PPP3CC: variants seen among roughly 807,000 people sequenced by gnomAD.
PPP3CC encodes protein phosphatase 3 catalytic subunit gamma.
A neutral mutation model predicts 60.3 loss-of-function variants in PPP3CC; 35 were observed. That is an observed-to-expected ratio of 0.58 (90% CI 0.44 to 0.77). The LOEUF is 0.77. Ranked by LOEUF, PPP3CC falls within the 30% of genes least tolerant of loss-of-function variation. The pLI is 0.00. For synonymous variants in PPP3CC, 206 were observed against 224.3 expected, an observed-to-expected ratio of 0.92 and a Z score of 0.73; for missense variants, 570 against 628.9, an observed-to-expected ratio of 0.91 and a Z score of 1.00.
At chr8:22,443,039 G>A (rs916570576) in intron 1 of PPP3CC, among the ~76,000 whole-genome samples, 2 of 152,168 alleles carry the variant, frequency 1.3e-5, no homozygotes, top group African/African-American at 2.4e-5. Context: ...TGTGGGTCAA[G>A]TCAGAATAAA....
intron 1 of PPP3CC, among the ~76,000 whole-genome samples, chr8:22,444,003 T>C (rs578230000): frequency 6.6e-6 from 1 of 152,364 alleles, no homozygotes; most frequent in African/African-American, 2.4e-5. Flanking sequence ...CTTTAAAGTG[T>C]ACCTAATTGT....
At chr8:22,507,834 G>A (rs1211932320) in intron 4 of PPP3CC, among the ~76,000 whole-genome samples, 1 of 152,034 alleles carries the variant, frequency 6.6e-6, no homozygotes, top group Admixed American at 6.6e-5. Flanking sequence ...TATGTGGAGG[G>A]GGCTGCAGTT....
At chr8:22,521,637 G>A (rs942987626) in intron 6 of PPP3CC, among the ~76,000 whole-genome samples, 19 of 152,184 alleles carry the variant, frequency 1.2e-4, no homozygotes, top group South Asian at 1.0e-3. Context: ...TCTTGCTTAC[G>A]TCACCTACAA....
chr8:22,506,708 G>A (rs775333881), intron 4 of PPP3CC, among the ~76,000 whole-genome samples: 9 of 151,952 alleles, frequency 5.9e-5, no homozygotes, highest in East Asian at 1.9e-4. Context: ...TTGGGAGGCC[G>A]AGGCGGGCAG....
intron 4 of PPP3CC, 82 bp from the exon 5 acceptor site, chr8:22,511,004 C>T: frequency 1.0e-6 from 1 of 988,810 alleles, no homozygotes; most frequent in Admixed American, 2.1e-5. Flanking sequence ...TCTAAAGTAG[C>T]TTCATATTCT....
chr8:22,528,377 T>C (rs1839615393), intron 9 of PPP3CC, 129 bp from the exon 10 acceptor site: 1 of 473,860 alleles, frequency 2.1e-6, no homozygotes, highest in East Asian at 3.5e-5. Context: ...ATAGCTATTC[T>C]TACTAACATA....
chr8:22,540,726 G>A lies in PPP3CC; in HGVS notation c.1463G>A (p.Gly488Glu), dbSNP rs569926835. The A allele has an allele frequency of 3.1e-6, 5 of 1,613,958 alleles. No homozygotes were observed. In the African/African-American group the frequency reaches 4.0e-5, roughly 13 times the overall value. The stretch of plus-strand genomic sequence containing the variant: ...CGAAAGGATAGCATACACGCTGGTG[G>A]GCCAATGAAATCTGTAACCTCAGCA... Reference protein sequence around the residue: ...PPRKDSIHAGGPMKSVTSAHS... With the variant: ...PPRKDSIHAGEPMKSVTSAHS... Residue 488 changes from glycine (G) to glutamate (E), a missense_variant, in exon 14 of 14, where the codon GGG becomes GAG. Physicochemically the swap from Gly to Glu is moderately conservative, Grantham distance 98. Transcript: ENST00000240139.
chr8:22,520,795 A>C (rs1020861428), intron 6 of PPP3CC, among the ~76,000 whole-genome samples: 1 of 152,110 alleles, frequency 6.6e-6, no homozygotes, highest in Non-Finnish European at 1.5e-5. Flanking sequence ...CAATTCATAC[A>C]TCTCTATTTA....
At chr8:22,443,474 T>G (rs1389143698) in intron 1 of PPP3CC, among the ~76,000 whole-genome samples, 1 of 138,320 alleles carries the variant, frequency 7.2e-6, no homozygotes, top group East Asian at 2.1e-4. Context: ...TGAGCCAAAA[T>G]GGTGCCACTG....
rs755554428 is a variant in PPP3CC at position 22,522,584 on chromosome 8, A to G, written c.848+16A>G. 1 of 1,599,110 alleles carries G rather than the reference A, an allele frequency of 6.3e-7. No homozygotes were observed. Among genetic ancestry groups the G allele is most frequent in the Admixed American group, 1.7e-5 (1 of 59,366 alleles). ...AAGATGCTGGGTAAGTTACATTAAA[A>G]TTGTACCAAATATCGCTGCAGAGTC... On this transcript the variant is annotated intron_variant, in intron 7 of 13. Coordinates refer to ENST00000240139, the MANE Select transcript of PPP3CC (RefSeq NM_005605.5).
At chr8:22,477,452 T>A (rs1837925254) in intron 3 of PPP3CC, among the ~76,000 whole-genome samples, 1 of 147,984 alleles carries the variant, frequency 6.8e-6, no homozygotes, top group South Asian at 2.2e-4. Context: ...CCAGCCTGGG[T>A]GACAGAGCAA....
chr8:22,513,516 A>G, intron 6 of PPP3CC, 84 bp downstream of exon 6: 1 of 1,428,232 alleles, frequency 7.0e-7, no homozygotes, highest in Non-Finnish European at 9.4e-7. Flanking sequence ...TTATATTTCA[A>G]ATCTATGTAG....
At chr8:22,511,332 C>A in intron 5 of PPP3CC, 101 bp downstream of exon 5, 1 of 1,291,498 alleles carries the variant, frequency 7.7e-7, no homozygotes, top group South Asian at 1.4e-5. Flanking sequence ...CTCTTTCACC[C>A]GGGCTGAAGT....
chr8:22,457,051 TC>T (rs1491100882), intron 1 of PPP3CC, among the ~76,000 whole-genome samples: 1 of 73,422 alleles, frequency 1.4e-5, no homozygotes, highest in Non-Finnish European at 2.5e-5. Flanking sequence ...CTCCCTTCCT[TC>T]CCCTCCCTCC....
intron 1 of PPP3CC, among the ~76,000 whole-genome samples, chr8:22,445,198 AT>A (rs578203554): frequency 1.4e-4 from 21 of 152,158 alleles, no homozygotes; most frequent in Non-Finnish European, 2.6e-4. Context: ...CACTGGGAAT[AT>A]TGTGCTTATG....
chr8:22,524,127 A>G (rs1274184613), intron 8 of PPP3CC, among the ~76,000 whole-genome samples: 1 of 152,236 alleles, frequency 6.6e-6, no homozygotes, highest in Non-Finnish European at 1.5e-5. Context: ...TACTATAATA[A>G]TACAGATTTT....
intron 1 of PPP3CC, among the ~76,000 whole-genome samples, chr8:22,458,234 T>C (rs2132442259): frequency 6.6e-6 from 1 of 152,342 alleles, no homozygotes; most frequent in Admixed American, 6.5e-5. Context: ...TAGTATTTTT[T>C]CCCTAGCACT....
intron 8 of PPP3CC, chr8:22,523,789 G>T (rs1451631726): frequency 3.0e-6 from 1 of 332,314 alleles, no homozygotes; most frequent in Non-Finnish European, 6.2e-6. Context: ...ACCATTTGGG[G>T]TCAGAAACAA....
intron 3 of PPP3CC, among the ~76,000 whole-genome samples, chr8:22,475,972 G>A (rs1348359466): frequency 6.6e-6 from 1 of 152,094 alleles, no homozygotes; most frequent in Non-Finnish European, 1.5e-5. Flanking sequence ...TTAATTATAA[G>A]ACCATAAGCT....
Sources: gnomAD v4.1 joint callset for allele counts (sites outside exome capture counted in the v4.1 genomes callset) on GRCh38, gnomAD v4.1.1 for gene constraint, MANE v1.5 for transcripts, NCBI Gene and HGNC (gene_info 2026-07-23, HGNC 2026-07-21) for gene names.